The following FBXO4 variants were observed in gnomAD, a reference collection of about 807,000 sequenced individuals.
FBXO4 encodes the protein F-box only protein 4.
In FBXO4, 36 loss-of-function variants were observed where a neutral mutation model predicts 43.7. The ratio of observed to expected loss-of-function variants is 0.82; its 90% CI spans 0.63 to 1.09. The LOEUF is 1.09. FBXO4 is among the 50% of genes least tolerant of loss of function. FBXO4 has a pLI of 0.00. For synonymous variants in FBXO4, 180 were observed against 165.6 expected, an observed-to-expected ratio of 1.09 and a Z score of -0.67; for missense variants, 435 against 474.1, an observed-to-expected ratio of 0.92 and a Z score of 0.77.
the FBXO4 span, chr5:41,968,135 C>G: frequency 3.3e-6 from 1 of 299,580 alleles, no homozygotes; most frequent in South Asian, 3.4e-5. Flanking sequence ...GCTGACAGAC[C>G]AAGAGTGAGT....
the FBXO4 span, among the ~76,000 whole-genome samples, chr5:42,038,744 A>G: frequency 1.3e-5 from 2 of 152,176 alleles, no homozygotes; most frequent in East Asian, 3.9e-4. Flanking sequence ...CCCATTAACT[A>G]ACCCATTTTT....
chr5:41,992,900 T>A, the FBXO4 span, among the ~76,000 whole-genome samples: 893 of 152,322 alleles, frequency 5.9e-3, 2 homozygotes, highest in Non-Finnish European at 7.5e-3. Context: ...TTCTAAATGT[T>A]TTGTATGCTG....
the FBXO4 span, among the ~76,000 whole-genome samples, chr5:41,999,510 TATATATATATATAC>T: frequency 8.7e-5 from 7 of 80,566 alleles, no homozygotes; most frequent in Non-Finnish European, 1.3e-4. Flanking sequence ...TATATGTGTA[TATATATATATATAC>T]ATATATATAT....
At chr5:42,001,820 A>T in the FBXO4 span, among the ~76,000 whole-genome samples, 1 of 151,972 alleles carries the variant, frequency 6.6e-6, no homozygotes, top group African/African-American at 2.4e-5. Flanking sequence ...CCTCCCTAGT[A>T]GTTGGGACTA....
chr5:41,949,776 A>G, the FBXO4 span, among the ~76,000 whole-genome samples: 45 of 152,322 alleles, frequency 3.0e-4, no homozygotes, highest in African/African-American at 1.0e-3. Flanking sequence ...AAGCAAAAAG[A>G]ACAAAGCTGG....
chr5:42,006,914 A>ATATATATATATATATATATATGTATG, the FBXO4 span, among the ~76,000 whole-genome samples: 4 of 141,504 alleles, frequency 2.8e-5, no homozygotes, highest in African/African-American at 8.0e-5. Flanking sequence ...ATATATATAT[A>ATATATATATATATATATATATGTATG]TATGTATATA....
chr5:41,942,696 A>G (rs569234919), downstream of FBXO4, among the ~76,000 whole-genome samples: 2 of 152,086 alleles, frequency 1.3e-5, no homozygotes, highest in East Asian at 3.9e-4. Flanking sequence ...TCTCTCTTAT[A>G]TTAACTCATT....
At chr5:42,003,111 G>A in the FBXO4 span, among the ~76,000 whole-genome samples, 2 of 152,166 alleles carry the variant, frequency 1.3e-5, no homozygotes, top group Non-Finnish European at 2.9e-5. Context: ...GATTTAACGA[G>A]ATAGATTATA....
chr5:42,033,277 C>T, the FBXO4 span, among the ~76,000 whole-genome samples: 3 of 152,116 alleles, frequency 2.0e-5, no homozygotes, highest in Admixed American at 2.0e-4. Context: ...TCTCTTGTCC[C>T]AGTTCAACAC....
At chr5:41,926,539 C>T (rs1751506646) in intron 1 of FBXO4, among the ~76,000 whole-genome samples, 1 of 152,218 alleles carries the variant, frequency 6.6e-6, no homozygotes. Context: ...TGCCACTGCA[C>T]TCCAGCCTGG....
chr5:41,939,673 T>C, intron 6 of FBXO4, 57 bp downstream of exon 6: 1 of 1,393,886 alleles, frequency 7.2e-7, no homozygotes. Context: ...ATTTTCTATT[T>C]GATTTTATTT....
the FBXO4 span, among the ~76,000 whole-genome samples, chr5:42,017,054 A>G: frequency 1.3e-5 from 2 of 152,052 alleles, no homozygotes; most frequent in South Asian, 2.1e-4. Flanking sequence ...TTTCAAGAAT[A>G]AAAGAAAATG....
chr5:41,945,182 C>G (rs564560034), downstream of FBXO4, among the ~76,000 whole-genome samples: 5 of 152,232 alleles, frequency 3.3e-5, no homozygotes, highest in South Asian at 1.0e-3. Flanking sequence ...AGAGACCAAT[C>G]TAAGAAACTT....
the FBXO4 span, among the ~76,000 whole-genome samples, chr5:41,962,435 T>C: frequency 6.6e-6 from 1 of 152,136 alleles, no homozygotes; most frequent in South Asian, 2.1e-4. Flanking sequence ...CAGGTTTTTG[T>C]GTTGCCTGAA....
rs1561172402 is a variant in FBXO4, at chr5:41,939,567, T to C, written c.1025T>C (p.Phe342Ser). The C allele has an allele frequency of 1.9e-6, 3 of 1,613,834 alleles. No homozygotes were observed. Among genetic ancestry groups the C allele is most frequent in the Non-Finnish European group, 2.5e-6 (3 of 1,179,832 alleles). Residue 342 changes from phenylalanine (F) to serine (S), a missense_variant, in exon 6 of 7, where the codon TTT (phenylalanine) becomes TCT (serine). By Grantham distance (155) the Phe-to-Ser change is radical. Transcript: ENST00000281623. ...SQGDVKRMPC[F>S]YLAHELHLNL... ...GGGGATGTAAAAAGAATGCCCTGTT[T>C]TTATTTGGCTCATGAGCTGCATCTG...
chr5:41,934,543 A>T (rs1397262744), intron 5 of FBXO4: 2 of 1,368,264 alleles, frequency 1.5e-6, no homozygotes, highest in Non-Finnish European at 1.9e-6. Context: ...TTTTATTCCT[A>T]GATTTGGGTT....
At chr5:42,011,360 T>C in the FBXO4 span, among the ~76,000 whole-genome samples, 2 of 152,216 alleles carry the variant, frequency 1.3e-5, no homozygotes, top group African/African-American at 2.4e-5. Context: ...TTCCTTCTCA[T>C]GTTTGGTCTC....
the FBXO4 span, among the ~76,000 whole-genome samples, chr5:42,010,223 G>T: frequency 6.6e-6 from 1 of 152,152 alleles, no homozygotes; most frequent in African/African-American, 2.4e-5. Flanking sequence ...TTTCTGGGCA[G>T]GTGCGGTGGC....
At chr5:42,006,914 A>ATATATATATATATATATATATG in the FBXO4 span, among the ~76,000 whole-genome samples, 20 of 141,488 alleles carry the variant, frequency 1.4e-4, no homozygotes, top group African/African-American at 4.5e-4. Context: ...ATATATATAT[A>ATATATATATATATATATATATG]TATGTATATA....
Sources: allele counts gnomAD v4.1 joint callset (sites outside exome capture counted in the v4.1 genomes callset), GRCh38; gene constraint gnomAD v4.1.1; transcripts MANE v1.5; gene names NCBI Gene and HGNC (gene_info 2026-07-23, HGNC 2026-07-21).